Variants in PDCL2 observed in about 807,000 individuals in gnomAD.
The protein encoded by PDCL2 is phosducin-like protein 2.
In PDCL2, 23 loss-of-function variants were observed where a neutral mutation model predicts 30.3. The observed-to-expected ratio is 0.76, with a 90% CI of 0.55 to 1.08. PDCL2 has a LOEUF of 1.08. Among genes scored for constraint, PDCL2 ranks in the 50% least tolerant of loss-of-function variants. PDCL2 has a pLI of 0.00. For missense variants in PDCL2, 243 were observed against 282.3 expected (o/e 0.86, Z 1.00); for synonymous variants, 68 against 86.2 (o/e 0.79, Z 1.17).
chr4:55,563,428 C>G (rs995874036), intron 4 of PDCL2, among the ~76,000 whole-genome samples: 1 of 152,166 alleles, frequency 6.6e-6, no homozygotes, highest in Non-Finnish European at 1.5e-5. Flanking sequence ...AGCCTATAAT[C>G]CCGGCACTTT....
chr4:55,583,513 CT>C (rs764190633), intron 1 of PDCL2, among the ~76,000 whole-genome samples: 10 of 152,072 alleles, frequency 6.6e-5, no homozygotes, highest in Non-Finnish European at 1.3e-4. Context: ...AGTTTTTCCC[CT>C]GTGTTTTCTT....
chr4:55,571,381 C>T (rs1275113134), intron 3 of PDCL2, among the ~76,000 whole-genome samples: 1 of 151,302 alleles, frequency 6.6e-6, no homozygotes, highest in Admixed American at 6.6e-5. Context: ...AAAACAAAAC[C>T]CTGGGTATAT....
chr4:55,575,242 T>C (rs2130037), intron 3 of PDCL2, among the ~76,000 whole-genome samples: 151,684 of 152,300 alleles, frequency 1, 75,540 homozygotes, highest in Middle Eastern at 1. Context: ...GAGTAAAACA[T>C]ACCAGAGGAA....
At chr4:55,565,718 C>T (rs1196061222) in intron 4 of PDCL2, among the ~76,000 whole-genome samples, 2 of 152,110 alleles carry the variant, frequency 1.3e-5, no homozygotes, top group Non-Finnish European at 2.9e-5. Flanking sequence ...ATCAGCAGTA[C>T]CCATTCTGTG....
intron 5 of PDCL2, among the ~76,000 whole-genome samples, chr4:55,558,158 T>C (rs557970875): frequency 6.6e-6 from 1 of 151,876 alleles, no homozygotes; most frequent in East Asian, 1.9e-4. Context: ...AGTGAAATTT[T>C]AATAAATGGT....
At chr4:55,574,280 T>A (rs77411960) in intron 3 of PDCL2, among the ~76,000 whole-genome samples, 3,209 of 152,230 alleles carry the variant, frequency 0.021, 52 homozygotes, top group Non-Finnish European at 0.036. Context: ...ACAGGTAGGG[T>A]GATCATCATT....
chr4:55,587,906 T>G (rs1324880102), intron 1 of PDCL2, among the ~76,000 whole-genome samples: 3 of 147,826 alleles, frequency 2.0e-5, no homozygotes, highest in Non-Finnish European at 4.5e-5. Context: ...AAAAATGTTT[T>G]AAATTTGGTA....
chr4:55,564,254 G>T (rs1489056002), intron 4 of PDCL2, among the ~76,000 whole-genome samples: 4 of 152,190 alleles, frequency 2.6e-5, no homozygotes, highest in Non-Finnish European at 5.9e-5. Flanking sequence ...AGTGTGAATG[G>T]CAGAAGTCAG....
intron 3 of PDCL2, among the ~76,000 whole-genome samples, chr4:55,573,945 G>C (rs1474476290): frequency 6.6e-6 from 1 of 150,536 alleles, no homozygotes; most frequent in African/African-American, 2.4e-5. Flanking sequence ...CCAGGCTGGA[G>C]TGCAGTGGCA....
intron 5 of PDCL2, among the ~76,000 whole-genome samples, chr4:55,561,129 C>G (rs1732121698): frequency 6.6e-6 from 1 of 151,484 alleles, no homozygotes; most frequent in Non-Finnish European, 1.5e-5. Context: ...AAGGTCCAAG[C>G]TACAAAAAAC....
At chr4:55,574,809 T>C (rs1209323772) in intron 3 of PDCL2, among the ~76,000 whole-genome samples, 1 of 152,248 alleles carries the variant, frequency 6.6e-6, no homozygotes, top group Admixed American at 6.5e-5. Context: ...TATGGCTGAA[T>C]AGTATTCCAC....
At chr4:55,561,304 G>A (rs959236615) in intron 5 of PDCL2, among the ~76,000 whole-genome samples, 14 of 152,096 alleles carry the variant, frequency 9.2e-5, no homozygotes, top group Non-Finnish European at 2.1e-4. Flanking sequence ...GCTCACGTCC[G>A]TAATCCCATC....
chr4:55,581,267 C>A (rs545046435), intron 2 of PDCL2, among the ~76,000 whole-genome samples: 38 of 152,032 alleles, frequency 2.5e-4, no homozygotes, highest in African/African-American at 8.7e-4. Context: ...TGCATTCCAC[C>A]CTGGCCAACA....
chr4:55,577,811 G>A (rs1164477246), intron 3 of PDCL2, among the ~76,000 whole-genome samples: 1 of 152,074 alleles, frequency 6.6e-6, no homozygotes, highest in Non-Finnish European at 1.5e-5. Flanking sequence ...TGTCTAGTAA[G>A]TCTGACTTCT....
chr4:55,570,761 C>T (rs1452003544), intron 3 of PDCL2, among the ~76,000 whole-genome samples: 9 of 152,146 alleles, frequency 5.9e-5, no homozygotes, highest in African/African-American at 1.7e-4. Context: ...CGCTGTTGAA[C>T]GCCTGGATTC....
At chr4:55,578,063 G>GT (rs1277122446) in intron 3 of PDCL2, among the ~76,000 whole-genome samples, 2 of 152,090 alleles carry the variant, frequency 1.3e-5, no homozygotes, top group Non-Finnish European at 2.9e-5. Flanking sequence ...GTCTTCTCAG[G>GT]TATTTTTTGA....
At chr4:55,572,315 G>C (rs546143086) in intron 3 of PDCL2, among the ~76,000 whole-genome samples, 32 of 152,300 alleles carry the variant, frequency 2.1e-4, no homozygotes, top group African/African-American at 7.5e-4. Context: ...GAAGGAGCAG[G>C]CTCTAGACTG....
intron 3 of PDCL2, among the ~76,000 whole-genome samples, chr4:55,578,638 T>A (rs1732632604): frequency 6.6e-6 from 1 of 152,102 alleles, no homozygotes; most frequent in African/African-American, 2.4e-5. Context: ...TGAAGTTTTC[T>A]TATAATTAAA....
chr4:55,557,706 C>G (rs186782851), intron 5 of PDCL2, among the ~76,000 whole-genome samples: 44 of 152,118 alleles, frequency 2.9e-4, no homozygotes, highest in African/African-American at 9.9e-4. Context: ...TCAACTTGTT[C>G]CAACATCAAC....
Sources: gnomAD v4.1 joint callset for allele counts (sites outside exome capture counted in the v4.1 genomes callset) on GRCh38, gnomAD v4.1.1 for gene constraint, MANE v1.5 for transcripts, NCBI Gene and HGNC (gene_info 2026-07-23, HGNC 2026-07-21) for gene names.